CLEC16A: variants seen among roughly 807,000 people sequenced by gnomAD.
CLEC16A encodes the protein protein CLEC16A.
A neutral mutation model predicts 109.5 loss-of-function variants in CLEC16A; 51 were observed. The ratio of observed to expected loss-of-function variants is 0.47; its 90% CI spans 0.37 to 0.59. The LOEUF is 0.59. CLEC16A is among the 20% of genes least tolerant of loss of function. The pLI is 0.00. For synonymous variants in CLEC16A, 673 were observed against 564.2 expected (o/e 1.19, Z -2.73); for missense variants, 1,339 against 1,394.0 (o/e 0.96, Z 0.63).
At chr16:10,996,316 A>G (rs971666384) in intron 10 of CLEC16A, among the ~76,000 whole-genome samples, 4 of 152,282 alleles carry the variant, frequency 2.6e-5, no homozygotes, top group Admixed American at 6.5e-5. Flanking sequence ...GACTTCCTGC[A>G]AAGTCCAGCG....
rs1024193294 is a variant in CLEC16A, at chr16:10,961,419, C to T, written c.210-1036C>T. ...AGAGGCACCCACAACTGAGTCAGCC[C>T]GCAGGCACACCTCATTTCTTCCAAG... On this transcript the variant is annotated intron_variant, in intron 2 of 23. Coordinates refer to ENST00000409790, the MANE Select transcript of CLEC16A (RefSeq NM_015226.3). This position sits in a 1 kb window ranked among gnomAD's most constrained non-coding sequence, Gnocchi z 4.3. 1.3e-5 allele frequency among the ~76,000 whole-genome samples: 2 copies of T among 152,130 alleles called. No homozygotes were observed. The highest frequency in any genetic ancestry group is 2.9e-5 in the Non-Finnish European group (2 of 68,022).
chr16:11,122,302 T>C (rs1019763485), intron 20 of CLEC16A, among the ~76,000 whole-genome samples: 8 of 152,212 alleles, frequency 5.3e-5, no homozygotes, highest in Non-Finnish European at 1.2e-4. Flanking sequence ...AGAAGAATCT[T>C]TCATTTAAAA....
chr16:11,110,364 A>G (rs767448), intron 19 of CLEC16A, among the ~76,000 whole-genome samples: 77,024 of 151,886 alleles, frequency 0.51, 20,922 homozygotes, highest in African/African-American at 0.72. Flanking sequence ...GCTGGGGATT[A>G]GGGAAATGTA....
At chr16:11,013,502 C>T (rs2045561369) in intron 11 of CLEC16A, among the ~76,000 whole-genome samples, 1 of 152,136 alleles carries the variant, frequency 6.6e-6, no homozygotes, top group African/African-American at 2.4e-5. Context: ...TGCTGGCTCA[C>T]ACCTGTAATC....
intron 10 of CLEC16A, among the ~76,000 whole-genome samples, chr16:10,995,847 C>T (rs899033980): frequency 6.6e-6 from 1 of 152,192 alleles, no homozygotes; most frequent in African/African-American, 2.4e-5. Context: ...CTTTCTCCTA[C>T]TTCTCAAATC....
chr16:11,046,369 G>GT (rs1157641761), intron 16 of CLEC16A, among the ~76,000 whole-genome samples: 1 of 152,038 alleles, frequency 6.6e-6, no homozygotes, highest in African/African-American at 2.4e-5. Context: ...GTCTTTCCTG[G>GT]TGGTGGTAGT....
chr16:11,002,149 G>A (rs1259130670), intron 10 of CLEC16A, among the ~76,000 whole-genome samples: 1 of 152,156 alleles, frequency 6.6e-6, no homozygotes, highest in African/African-American at 2.4e-5. Context: ...ATCCTTTTCT[G>A]TCTCTGTGCT....
At chr16:11,060,880 G>A in intron 18 of CLEC16A, 22 bp from the exon 19 acceptor site, 1 of 1,590,016 alleles carries the variant, frequency 6.3e-7, no homozygotes, top group Non-Finnish European at 8.6e-7. Flanking sequence ...ACTCTTCTCT[G>A]CTCTCTGAAC....
At chr16:11,022,161 G>T (rs1288692931) in intron 12 of CLEC16A, among the ~76,000 whole-genome samples, 1 of 152,050 alleles carries the variant, frequency 6.6e-6, no homozygotes, top group Non-Finnish European at 1.5e-5. Flanking sequence ...GAACCTCCAG[G>T]CCAGATTTCT....
intron 1 of CLEC16A, among the ~76,000 whole-genome samples, chr16:10,948,142 C>T (rs2041519840): frequency 6.6e-6 from 1 of 152,194 alleles, no homozygotes; most frequent in Non-Finnish European, 1.5e-5. Context: ...ATCTGCCCTC[C>T]TTGACCTCCC....
chr16:11,146,756 G>A (rs75970915), intron 22 of CLEC16A, among the ~76,000 whole-genome samples: 360 of 149,740 alleles, frequency 2.4e-3, no homozygotes, highest in Non-Finnish European at 4.6e-3. Context: ...GTGGATGGCC[G>A]GATGGGAGGG....
chr16:11,003,336 C>T (rs781309931), intron 11 of CLEC16A, 31 bp downstream of exon 11: 1 of 1,579,586 alleles, frequency 6.3e-7, no homozygotes, highest in Non-Finnish European at 8.7e-7. Context: ...CGCCCTGTGC[C>T]TGCGCCGCCA....
intron 3 of CLEC16A, among the ~76,000 whole-genome samples, chr16:10,963,303 C>T (rs1488736524): frequency 2.6e-5 from 4 of 152,134 alleles, no homozygotes; most frequent in African/African-American, 9.7e-5. Context: ...CGCCAAAGGC[C>T]CTGTCTTCAA....
intron 19 of CLEC16A, among the ~76,000 whole-genome samples, chr16:11,062,451 T>A (rs1028027228): frequency 2.6e-5 from 4 of 152,220 alleles, no homozygotes; most frequent in African/African-American, 7.2e-5. Context: ...TTTCGTCTCC[T>A]GTAAAACGAG....
Position 11,179,537 on chromosome 16 carries a change from C to T in CLEC16A, c.*847C>T, listed in dbSNP as rs1476121061. 6.6e-6 allele frequency: 1 copy of T among 152,212 alleles called. No individual in the cohort carries two copies. Among genetic ancestry groups the T allele is most frequent in the Admixed American group, 6.5e-5 (1 of 15,288 alleles). 9.4% of individuals were successfully genotyped at this position (152,212 alleles called of 1,614,324 possible). ...TTCTCCAGGAAAAGGAGGAATGTAG[C>T]CAGCTCCCCACTCAGGACGCTTCCT... is the stretch of plus-strand genomic sequence containing the variant. On this transcript the variant is annotated 3_prime_UTR_variant, in exon 24 of 24. Coordinates refer to ENST00000409790, the MANE Select transcript of CLEC16A (RefSeq NM_015226.3).
intron 23 of CLEC16A, among the ~76,000 whole-genome samples, chr16:11,176,710 C>G (rs1026727975): frequency 8.5e-5 from 13 of 152,078 alleles, no homozygotes; most frequent in Admixed American, 2.6e-4. Flanking sequence ...TGCACTCCAG[C>G]CTGGGTGACA....
chr16:11,094,931 G>A (rs936986839), intron 19 of CLEC16A, among the ~76,000 whole-genome samples: 9 of 152,144 alleles, frequency 5.9e-5, no homozygotes, highest in Non-Finnish European at 8.8e-5. Context: ...GATGATCCCC[G>A]ATAAAGCACT....
chr16:11,114,771 C>A (rs966043064), intron 19 of CLEC16A, among the ~76,000 whole-genome samples: 2 of 152,084 alleles, frequency 1.3e-5, no homozygotes, highest in African/African-American at 4.8e-5. Flanking sequence ...CTGGCGGGAC[C>A]CACAAAGGAG....
Position 11,135,457 on chromosome 16 carries a change from G to A in CLEC16A, c.2641+9311G>A, listed in dbSNP as rs369058998. On this transcript the variant is annotated intron_variant, in intron 22 of 23. Transcript: ENST00000409790. ...TGGGGAGCCCTCTCTCGCTAAATAT[G>A]GACACAGTAGGCAGGGCCAGCCATC... 3.9e-5 allele frequency among the ~76,000 whole-genome samples: 6 copies of A among 152,306 alleles called. No individual in the cohort carries two copies. The South Asian group carries it at 1.2e-3, about 32-fold the overall frequency.
Sources: gnomAD v4.1 joint callset for allele counts (sites outside exome capture counted in the v4.1 genomes callset) on GRCh38, gnomAD v4.1.1 for gene constraint, Gnocchi (gnomAD v3.1) non-coding constraint, MANE v1.5 for transcripts, NCBI Gene and HGNC (gene_info 2026-07-23, HGNC 2026-07-21) for gene names.